The following GLG1 variants were observed in gnomAD, a reference collection of about 807,000 sequenced individuals.
GLG1 encodes the protein Golgi apparatus protein 1.
In GLG1, 38 loss-of-function variants were observed where a neutral mutation model predicts 160.5. The observed-to-expected ratio is 0.24, with a 90% confidence interval of 0.18 to 0.31. The LOEUF (loss-of-function observed/expected upper bound fraction) is 0.31, where lower values mean the gene tolerates loss of function less well. Ranked by LOEUF, GLG1 falls within the 10% of genes least tolerant of loss-of-function variation. GLG1 has a pLI of 1.00. For missense variants in GLG1, 1,373 were observed against 1,505.2 expected (o/e 0.91, Z 1.45); for synonymous variants, 644 against 543.4 (o/e 1.19, Z -2.57).
intron 10 of GLG1, 66 bp from the exon 11 acceptor site, chr16:74,480,460 G>T (rs1032195428): frequency 2.5e-6 from 3 of 1,215,890 alleles, no homozygotes; most frequent in Non-Finnish European, 3.5e-6. Flanking sequence ...ACAGGCTCAG[G>T]GTTTTTATGA....
chr16:74,557,945 G>C (rs999869485), intron 1 of GLG1, among the ~76,000 whole-genome samples: 5 of 151,992 alleles, frequency 3.3e-5, no homozygotes, highest in Admixed American at 6.6e-5. Context: ...TTTTATGGAA[G>C]ACATACCACT....
intron 7 of GLG1, among the ~76,000 whole-genome samples, chr16:74,492,743 C>T (rs1228351276): frequency 3.3e-5 from 5 of 149,874 alleles, no homozygotes; most frequent in African/African-American, 9.8e-5. Flanking sequence ...GGCGTGAACA[C>T]GGAAGGCGGA....
chr16:74,500,122 G>C (rs769941295), intron 4 of GLG1, among the ~76,000 whole-genome samples: 1 of 152,080 alleles, frequency 6.6e-6, no homozygotes, highest in Admixed American at 6.6e-5. Flanking sequence ...CGGAGTCTCT[G>C]AGCTTTTAGT....
chr16:74,523,395 C>T (rs2017233848), intron 2 of GLG1, among the ~76,000 whole-genome samples: 1 of 152,122 alleles, frequency 6.6e-6, no homozygotes, highest in Non-Finnish European at 1.5e-5. Context: ...TACAGTCTCT[C>T]TGCTTGGTTC....
intron 12 of GLG1, among the ~76,000 whole-genome samples, chr16:74,475,351 C>G (rs2015360191): frequency 6.6e-6 from 1 of 152,120 alleles, no homozygotes; most frequent in African/African-American, 2.4e-5. Flanking sequence ...GATCATCAGA[C>G]AAATTCACAG....
chr16:74,529,162 T>G (rs1000074675), intron 2 of GLG1, among the ~76,000 whole-genome samples: 4 of 152,040 alleles, frequency 2.6e-5, no homozygotes, highest in Admixed American at 1.3e-4. Flanking sequence ...ATATGGGGTT[T>G]TTTACCGTGT....
At chr16:74,587,596 C>T (rs991543383) in intron 1 of GLG1, among the ~76,000 whole-genome samples, 1 of 152,150 alleles carries the variant, frequency 6.6e-6, no homozygotes, top group African/African-American at 2.4e-5. Context: ...CGGCTGGGCA[C>T]GGTGGCTCAC....
intron 24 of GLG1, 44 bp from the exon 25 acceptor site, chr16:74,456,799 G>C (rs1251219665): frequency 5.1e-6 from 6 of 1,169,444 alleles, no homozygotes; most frequent in Non-Finnish European, 7.7e-6. Context: ...AAACTGTACA[G>C]AATAGAGAAA....
chr16:74,498,701 C>A (rs1399457505), intron 4 of GLG1, among the ~76,000 whole-genome samples: 2 of 149,160 alleles, frequency 1.3e-5, no homozygotes, highest in Non-Finnish European at 3.0e-5. Context: ...CCTGTCTCTA[C>A]TAAAAATTCA....
At chr16:74,507,475 G>A (rs1300615536) in intron 3 of GLG1, among the ~76,000 whole-genome samples, 3 of 152,138 alleles carry the variant, frequency 2.0e-5, no homozygotes, top group Admixed American at 6.5e-5. Flanking sequence ...GGTGACTCAT[G>A]CCTGTAATCC....
intron 1 of GLG1, among the ~76,000 whole-genome samples, chr16:74,581,108 A>G (rs1567537562): frequency 6.6e-6 from 1 of 152,214 alleles, no homozygotes; most frequent in African/African-American, 2.4e-5. Context: ...TTAAAAATAG[A>G]ATTGCCATAT....
chr16:74,485,780 G>A lies in GLG1; in HGVS notation c.1571+16C>T. ...GAAATACAATATGGATAAATACCAT[G>A]GAGAAGATAACTTACATTGGGTCTC... is the stretch of plus-strand genomic sequence containing the variant. On this transcript the variant is annotated intron_variant, in intron 9 of 25. Coordinates refer to ENST00000422840, the MANE Select transcript of GLG1 (RefSeq NM_001145667.2). 1 of 1,608,034 alleles carries A rather than the reference G, an allele frequency of 6.2e-7. No individual in the cohort carries two copies. The highest frequency in any genetic ancestry group is 8.5e-7 in the Non-Finnish European group (1 of 1,175,866).
intron 2 of GLG1, among the ~76,000 whole-genome samples, chr16:74,511,101 C>G (rs1290325389): frequency 6.6e-6 from 1 of 152,102 alleles, no homozygotes; most frequent in Non-Finnish European, 1.5e-5. Flanking sequence ...CCTTTGTAAG[C>G]CATGACTGAA....
intron 1 of GLG1, among the ~76,000 whole-genome samples, chr16:74,582,675 C>T (rs1221309996): frequency 9.2e-5 from 14 of 151,644 alleles, no homozygotes; most frequent in South Asian, 6.3e-4. Context: ...AAAAATTAGC[C>T]GGGCGTGGTG....
intron 10 of GLG1, 148 bp from the exon 11 acceptor site, chr16:74,480,542 C>A (rs997015789): frequency 1.6e-5 from 9 of 555,306 alleles, no homozygotes; most frequent in Non-Finnish European, 2.5e-5. Flanking sequence ...AAAGTATATT[C>A]CTGAATTTTG....
At chr16:74,487,361 T>G (rs1327398441) in intron 8 of GLG1, among the ~76,000 whole-genome samples, 2 of 151,888 alleles carry the variant, frequency 1.3e-5, no homozygotes, top group Admixed American at 1.3e-4. Flanking sequence ...CCACAGGGCC[T>G]TCACTGGAGC....
Position 74,459,791 on chromosome 16 carries a change from T to C in GLG1, c.3037-2A>G. 1 of 1,527,406 alleles carries C rather than the reference T, an allele frequency of 6.5e-7. No individual in the cohort carries two copies. The allele number at this position is 1,527,406 out of a possible 1,614,324, so 94.6% of individuals were successfully genotyped here. A position where few individuals can be genotyped will look rare whatever the true frequency, so the allele number is the denominator to read the frequency against. On this transcript the variant is annotated splice_acceptor_variant, in intron 22 of 25. Transcript: ENST00000422840. LOFTEE classifies it high-confidence loss of function. Reference sequence around the variant, plus strand: ...TTCTTCAGCACATAGACTGGAGATCTGTTCAGGAGACACAAAAAACAAAGC... The same window carrying C: ...TTCTTCAGCACATAGACTGGAGATCCGTTCAGGAGACACAAAAAACAAAGC...
chr16:74,466,910 T>C (rs186163478), intron 18 of GLG1, among the ~76,000 whole-genome samples: 168 of 152,216 alleles, frequency 1.1e-3, no homozygotes, highest in African/African-American at 3.4e-3. Flanking sequence ...TCCAATTGCC[T>C]AACACGAGTT....
chr16:74,535,531 T>G (rs1002615898), intron 1 of GLG1, among the ~76,000 whole-genome samples: 1 of 152,232 alleles, frequency 6.6e-6, no homozygotes, highest in African/African-American at 2.4e-5. Context: ...CTCTTGGGCT[T>G]AACTGATCCT....
Sources: gnomAD v4.1 joint callset for allele counts (sites outside exome capture counted in the v4.1 genomes callset) on GRCh38, gnomAD v4.1.1 for gene constraint, MANE v1.5 for transcripts, NCBI Gene and HGNC (gene_info 2026-07-23, HGNC 2026-07-21) for gene names.